GLRX2: variants seen among roughly 807,000 people sequenced by gnomAD.
The protein encoded by GLRX2 is bA101E13.1 (GRX2 glutaredoxin (thioltransferase) 2).
In GLRX2, 12 loss-of-function variants were observed where a neutral mutation model predicts 16.4. The ratio of observed to expected loss-of-function variants is 0.73; its 90% CI spans 0.47 to 1.19. The LOEUF (loss-of-function observed/expected upper bound fraction) is 1.19, where lower values mean the gene tolerates loss of function less well. Among genes scored for constraint, GLRX2 ranks in the 50% most tolerant of loss-of-function variants. GLRX2 has a pLI of 0.00. For missense variants in GLRX2, 201 were observed against 201.8 expected (o/e 1.00, Z 0.02); for synonymous variants, 95 against 76.2 (o/e 1.25, Z -1.28).
At chr1:193,105,481 C>T (rs760094514), upstream of GLRX2, 1,696 of 1,488,094 alleles carry the variant, frequency 1.1e-3, 7 homozygotes, top group Non-Finnish European at 1.3e-3. Flanking sequence ...CCGCCCCGTC[C>T]CGCCCCTCCG....
At position 193,098,791 on chromosome 1, in the gene GLRX2, T is replaced by A. The variant is rs541247708; in HGVS notation, c.184-1031A>T. ...GTCTCAAACTCCTGACCTCAGGTGA[T>A]CCACCCGCCTCAGCCTCCCAAAGTG... On this transcript the variant is annotated intron_variant, in intron 2 of 3. Coordinates refer to ENST00000367439, the MANE Select transcript of GLRX2 (RefSeq NM_197962.3). Among the ~76,000 whole-genome samples the A allele has an allele frequency of 2.6e-5, 4 of 152,200 alleles. No homozygotes were observed. In the South Asian group the frequency reaches 6.2e-4, roughly 24 times the overall value.
At chr1:193,102,371 A>G (rs536042343) in intron 1 of GLRX2, among the ~76,000 whole-genome samples, 1 of 152,242 alleles carries the variant, frequency 6.6e-6, no homozygotes, top group Non-Finnish European at 1.5e-5. Flanking sequence ...CTTCTTTTTG[A>G]GATGGAGTCT....
At chr1:193,102,022 A>G (rs1675087196) in intron 1 of GLRX2, among the ~76,000 whole-genome samples, 1 of 152,230 alleles carries the variant, frequency 6.6e-6, no homozygotes, top group Non-Finnish European at 1.5e-5. Flanking sequence ...CTGTTGGAAC[A>G]ATATCAAACA....
upstream of GLRX2, chr1:193,105,418 G>C (rs540100178): frequency 3.9e-5 from 58 of 1,483,248 alleles, 1 homozygote; most frequent in South Asian, 6.5e-4. Flanking sequence ...CTCTACTGCC[G>C]GACACCGCGG....
intron 2 of GLRX2, among the ~76,000 whole-genome samples, chr1:193,098,821 G>A (rs1675013715): frequency 6.6e-6 from 1 of 152,080 alleles, no homozygotes; most frequent in Admixed American, 6.5e-5. Context: ...AAAGTGCTGG[G>A]ATTACAGGTG....
chr1:193,096,602 T>A lies in GLRX2; in HGVS notation c.*23A>T, dbSNP rs761746383. 8 of 1,443,522 alleles carry A rather than the reference T, an allele frequency of 5.5e-6. No individual in the cohort carries two copies. The highest frequency in any genetic ancestry group is 7.7e-6 in the Non-Finnish European group (8 of 1,036,526). The allele number at this position is 1,443,522 out of a possible 1,614,324, so 89.4% of individuals were successfully genotyped here. A position where few individuals can be genotyped will look rare whatever the true frequency, so the allele number is the denominator to read the frequency against. On this transcript the variant is annotated 3_prime_UTR_variant, in exon 4 of 4. Coordinates refer to ENST00000367439, the MANE Select transcript of GLRX2 (RefSeq NM_197962.3). Reference sequence around the variant, plus strand: ...CCACTTTAAATAACTGACACTGTACTAGCAAACTTATTAGTATAAACATCA... The same window carrying A: ...CCACTTTAAATAACTGACACTGTACAAGCAAACTTATTAGTATAAACATCA...
At chr1:193,103,140 C>T (rs1037806535) in intron 1 of GLRX2, among the ~76,000 whole-genome samples, 1 of 151,988 alleles carries the variant, frequency 6.6e-6, no homozygotes, top group Non-Finnish European at 1.5e-5. Flanking sequence ...AAAGTGCTTC[C>T]TTTAAGTGAA....
Position 193,097,747 on chromosome 1 carries a change from T to A in GLRX2, c.197A>T (p.Asp66Val). 6.3e-7 allele frequency: 1 copy of A among 1,580,846 alleles called. No homozygotes were observed. The highest frequency in any genetic ancestry group is 8.6e-7 in the Non-Finnish European group (1 of 1,167,434). Residue 66 changes from aspartate to valine, a missense_variant, in exon 3 of 4, where the codon GAT (aspartate) becomes GTT (valine). Physicochemically the swap from Asp to Val is radical, Grantham distance 152 (BLOSUM62 -3). Coordinates refer to ENST00000367439, the MANE Select transcript of GLRX2 (RefSeq NM_197962.3). ...TTTTGAGAAAATCACCACACAATTA[T>A]CAGAAATTGTTTCCTGAAATAAAAC... The part of the protein sequence containing the change: ...PVNQIQETIS[D>V]NCVVIFSKTS...
chr1:193,097,520 AGGCTCTG>A (rs748068486), intron 3 of GLRX2, 57 bp downstream of exon 3: 25 of 1,281,096 alleles, frequency 2.0e-5, no homozygotes, highest in Non-Finnish European at 2.6e-5. Context: ...ACAAGGTTCT[AGGCTCTG>A]GGTGATCTAG....
At chr1:193,101,319 G>C (rs1352673904) in intron 1 of GLRX2, 115 bp from the exon 2 acceptor site, 1 of 708,814 alleles carries the variant, frequency 1.4e-6, no homozygotes. Flanking sequence ...TTACAAAATA[G>C]AAAAAAATTT....
chr1:193,105,397 T>C lies in GLRX2; in HGVS notation c.-15A>G, dbSNP rs878916971. 6.5e-7 allele frequency: 1 copy of C among 1,526,998 alleles called. No individual in the cohort carries two copies. Among genetic ancestry groups the C allele is most frequent in the Non-Finnish European group, 8.7e-7 (1 of 1,147,428 alleles). The allele number at this position is 1,526,998 out of a possible 1,614,324, so 94.6% of individuals were successfully genotyped here. A position where few individuals can be genotyped will look rare whatever the true frequency, so the allele number is the denominator to read the frequency against. On this transcript the variant is annotated 5_prime_UTR_variant, in exon 1 of 4. Coordinates refer to ENST00000367439, the MANE Select transcript of GLRX2 (RefSeq NM_197962.3). ...CGCCAAATCATGGTCAGAGCCCGGA[T>C]CTGCAGCGAGCTCTACTGCCGGACA...
rs1203312211 is a variant in GLRX2, at chr1:193,096,752, C to A, written c.368G>T (p.Arg123Ile). The change falls in exon 4 of 4, where the codon AGA (arginine) becomes ATA (isoleucine). Residue 123 changes from arginine (R) to isoleucine (I), a missense_variant. Arg to Ile is a moderately conservative substitution (Grantham distance 97). Transcript: ENST00000367439. ...AATAAAAGTACCATTGACAAATATTCTTGGAACCTGTTGGACAAACAAAAG... is the reference window on the plus strand; with the variant it reads ...AATAAAAGTACCATTGACAAATATTATTGGAACCTGTTGGACAAACAAAAG... ...YKMTGERTVP[R>I]IFVNGTFIGG... is the part of the protein sequence containing the mutation. 6.2e-7 allele frequency: 1 copy of A among 1,607,072 alleles called. No individual in the cohort carries two copies. Among genetic ancestry groups the A allele is most frequent in the Non-Finnish European group, 8.5e-7 (1 of 1,177,078 alleles).
At position 193,105,413 on chromosome 1, in the gene GLRX2, C is replaced by G. The variant is rs1164475930; in HGVS notation, c.-31G>C. 2 of 1,495,820 alleles carry G rather than the reference C, an allele frequency of 1.3e-6. No individual in the cohort carries two copies. Among genetic ancestry groups the G allele is most frequent in the Non-Finnish European group, 1.8e-6 (2 of 1,132,310 alleles). The allele number at this position is 1,495,820 out of a possible 1,614,324, so 92.7% of individuals were successfully genotyped here. On this transcript the variant is annotated 5_prime_UTR_variant, in exon 1 of 4. Coordinates refer to ENST00000367439, the MANE Select transcript of GLRX2 (RefSeq NM_197962.3). ...GAGCCCGGATCTGCAGCGAGCTCTA[C>G]TGCCGGACACCGCGGATCCCGGGAG...
In GLRX2 at chr1:193,105,279, G is replaced by A. The variant is rs774186287; in HGVS notation, c.104C>T (p.Ala35Val). Residue 35 changes from alanine (A) to valine (V), a missense_variant, in exon 1 of 4, where the codon GCA becomes GTA. Transcript: ENST00000367439. ...GACCCCGTACCCAGAGGCCGCAGCT[G>A]CCGCAGCTCCCGCAGCTCCCGCCGC... ...DRAAGAAGAA[A>V]AAASGMESNT... 5.9e-6 allele frequency: 9 copies of A among 1,531,454 alleles called. No individual in the cohort carries two copies. Among genetic ancestry groups the A allele is most frequent in the Non-Finnish European group, 7.8e-6 (9 of 1,148,246 alleles). 94.9% of individuals were successfully genotyped at this position (1,531,454 alleles called of 1,614,324 possible). A position where few individuals can be genotyped will look rare whatever the true frequency, so the allele number is the denominator to read the frequency against.
chr1:193,096,873 A>C, intron 3 of GLRX2, 114 bp from the exon 4 acceptor site: 2 of 688,436 alleles, frequency 2.9e-6, no homozygotes, highest in East Asian at 5.3e-5. Context: ...TGGCACCACA[A>C]AGCTCTTTCA....
In GLRX2 at chr1:193,097,697, C is replaced by T. The variant is rs1674987668; in HGVS notation, c.247G>A (p.Ala83Thr). ...SKTSCSYCTM[A>T]KKLFHDMNVN... ...TTCATGTCATGGAAAAGCTTTTTTG[C>T]CATTGTACAGTAAGAACAGGATGTT... The change falls in exon 3 of 4, where the codon GCA becomes ACA. Residue 83 changes from alanine (A) to threonine (T), a missense_variant. Transcript: ENST00000367439. 5.0e-6 allele frequency: 8 copies of T among 1,611,820 alleles called. No individual in the cohort carries two copies. The highest frequency in any genetic ancestry group is 3.3e-5 in the Admixed American group (2 of 59,806).
chr1:193,106,109 A>G (rs2103103873), upstream of GLRX2: 1 of 843,792 alleles, frequency 1.2e-6, no homozygotes. Context: ...TGGTAATAAT[A>G]GCCTTTGTGC....
At chr1:193,097,140 T>C (rs1173014972) in intron 3 of GLRX2, among the ~76,000 whole-genome samples, 2 of 152,116 alleles carry the variant, frequency 1.3e-5, no homozygotes, top group Non-Finnish European at 2.9e-5. Context: ...CTATAAACTT[T>C]CAATAAACTT....
At chr1:193,104,115 T>C (rs1364528047) in intron 1 of GLRX2, among the ~76,000 whole-genome samples, 1 of 152,152 alleles carries the variant, frequency 6.6e-6, no homozygotes, top group East Asian at 1.9e-4. Flanking sequence ...GGAGCTCCAA[T>C]AGAACACAAG....
Sources: gnomAD v4.1 joint callset for allele counts (sites outside exome capture counted in the v4.1 genomes callset) on GRCh38, gnomAD v4.1.1 for gene constraint, MANE v1.5 for transcripts, NCBI Gene and HGNC (gene_info 2026-07-23, HGNC 2026-07-21) for gene names.